The following UMAD1 variants were observed in gnomAD, a reference collection of about 807,000 sequenced individuals.
UMAD1 encodes the protein UBAP1-MVB12-associated (UMA)-domain containing protein 1.
In UMAD1, 8 loss-of-function variants were observed where a neutral mutation model predicts 6.1. That is an observed-to-expected ratio of 1.30 (90% CI 0.76 to 2.35). The LOEUF is 2.35. Among genes scored for constraint, UMAD1 ranks in the 30% most tolerant of loss-of-function variants. The pLI is 0.00. For synonymous variants in UMAD1, 56 were observed against 31.4 expected (o/e 1.78, Z -2.61); for missense variants, 130 against 78.4 (o/e 1.66, Z -2.49).
intron 1 of UMAD1, among the ~76,000 whole-genome samples, chr7:7,666,134 G>A (rs532765279): frequency 1.3e-5 from 2 of 152,252 alleles, no homozygotes; most frequent in African/African-American, 4.8e-5. Context: ...GTGTACAAGA[G>A]TTCCAGTTGC....
At chr7:7,763,042 T>A (rs563691360) in intron 2 of UMAD1, among the ~76,000 whole-genome samples, 1 of 152,272 alleles carries the variant, frequency 6.6e-6, no homozygotes, top group African/African-American at 2.4e-5. Flanking sequence ...ATTTAGGAAA[T>A]AAATATCCTG....
chr7:7,867,523 A>G (rs1784256431), intron 3 of UMAD1, among the ~76,000 whole-genome samples: 1 of 152,222 alleles, frequency 6.6e-6, no homozygotes, highest in African/African-American at 2.4e-5. Flanking sequence ...AAAAATTCAG[A>G]GTCAGTAGCA....
chr7:7,877,792 G>T lies in UMAD1; in HGVS notation c.*254G>T, dbSNP rs904534736. The T allele has an allele frequency of 1.3e-4, 57 of 426,098 alleles. No homozygotes were observed. The highest frequency in any genetic ancestry group is 1.1e-3 in the African/African-American group (55 of 50,002). 26.4% of individuals were successfully genotyped at this position (426,098 alleles called of 1,614,324 possible). A position where few individuals can be genotyped will look rare whatever the true frequency, so the allele number is the denominator to read the frequency against. ...CTATGAAGGTTTTAGGAAAGGACTC[G>T]ATTCCTTCAGATGGTCTCTCAAAAT... On this transcript the variant is annotated 3_prime_UTR_variant, in exon 4 of 4. Coordinates refer to ENST00000682710, the MANE Select transcript of UMAD1 (RefSeq NM_001302348.2).
intron 2 of UMAD1, among the ~76,000 whole-genome samples, chr7:7,785,739 C>T (rs17137697): frequency 0.074 from 11,304 of 152,070 alleles, 673 homozygotes; most frequent in African/African-American, 0.16. Context: ...AGCTAGCTGA[C>T]TGACATGATG....
chr7:7,681,117 C>G (rs1329023358), intron 2 of UMAD1, among the ~76,000 whole-genome samples: 3 of 152,100 alleles, frequency 2.0e-5, no homozygotes, highest in Non-Finnish European at 4.4e-5. Flanking sequence ...GTAGCAACAA[C>G]TTTTTATCAA....
At chr7:7,821,587 G>A (rs921397876) in intron 3 of UMAD1, among the ~76,000 whole-genome samples, 1 of 152,164 alleles carries the variant, frequency 6.6e-6, no homozygotes, top group Non-Finnish European at 1.5e-5. Context: ...CCTCTGAACA[G>A]TCAATTCTTT....
At chr7:7,705,554 C>G (rs1009804056) in intron 2 of UMAD1, among the ~76,000 whole-genome samples, 2 of 152,090 alleles carry the variant, frequency 1.3e-5, no homozygotes, top group Admixed American at 1.3e-4. Context: ...AAGTACTATG[C>G]TTGTGTAATC....
chr7:7,758,844 C>T (rs1781830123), intron 2 of UMAD1, among the ~76,000 whole-genome samples: 1 of 152,120 alleles, frequency 6.6e-6, no homozygotes, highest in Non-Finnish European at 1.5e-5. Flanking sequence ...CATTTGTGGA[C>T]ACTCTCTCTC....
chr7:7,845,183 T>G lies in UMAD1; in HGVS notation c.157-32098T>G, dbSNP rs1301678064. Among the ~76,000 whole-genome samples, 16 of 152,214 alleles carry G rather than the reference T, an allele frequency of 1.1e-4. No homozygotes were observed. In the East Asian group the frequency reaches 2.1e-3, roughly 20 times the overall value. ...TGAATTTAAAATTTTCATTAATAAT[T>G]TTTTATACCAATTATGTTTTGGACT... On this transcript the variant is annotated intron_variant, in intron 3 of 3. Transcript: ENST00000682710.
intron 2 of UMAD1, among the ~76,000 whole-genome samples, chr7:7,799,839 G>A (rs1239740647): frequency 5.3e-5 from 8 of 152,164 alleles, no homozygotes; most frequent in South Asian, 2.1e-4. Context: ...TTACAAACAC[G>A]TATGCTCAAA....
At position 7,816,336 on chromosome 7, in the gene UMAD1, C is replaced by T. The variant is rs144842184; in HGVS notation, c.156+14593C>T. On this transcript the variant is annotated intron_variant, in intron 3 of 3. Coordinates refer to ENST00000682710, the MANE Select transcript of UMAD1 (RefSeq NM_001302348.2). The stretch of plus-strand genomic sequence containing the variant: ...GCTGTTTCACTTTGCTTCTCTTTTC[C>T]GTAGTGCCTTCTCCTGTGAGGTCCA... Among the ~76,000 whole-genome samples the T allele has an allele frequency of 2.3e-4, 35 of 152,298 alleles. No homozygotes were observed. In the East Asian group the frequency reaches 5.8e-3, roughly 25 times the overall value.
intron 1 of UMAD1, among the ~76,000 whole-genome samples, chr7:7,666,873 TCA>T (rs1487037243): frequency 6.6e-6 from 1 of 152,156 alleles, no homozygotes; most frequent in East Asian, 1.9e-4. Context: ...TGGTGGGGTC[TCA>T]GCTCACTGCA....
At chr7:7,726,624 A>G (rs1471028182) in intron 2 of UMAD1, among the ~76,000 whole-genome samples, 1 of 152,210 alleles carries the variant, frequency 6.6e-6, no homozygotes, top group African/African-American at 2.4e-5. Flanking sequence ...CCTCACCCCT[A>G]GTGACCCACT....
intron 3 of UMAD1, among the ~76,000 whole-genome samples, chr7:7,814,291 C>T (rs534667089): frequency 5.3e-5 from 8 of 152,168 alleles, no homozygotes; most frequent in Non-Finnish European, 7.4e-5. Context: ...TGCTTTTATA[C>T]TAACAAAATA....
Position 7,674,129 on chromosome 7 carries a change from C to T in UMAD1, c.82+676C>T, listed in dbSNP as rs982224515. Among the ~76,000 whole-genome samples, 4 of 152,130 alleles carry T rather than the reference C, an allele frequency of 2.6e-5. No homozygotes were observed. In the South Asian group the frequency reaches 6.2e-4, roughly 24 times the overall value. On this transcript the variant is annotated intron_variant, in intron 2 of 3. Transcript: ENST00000682710. ...AAGTATGGTGTGGGGTAGTCAAACC[C>T]AGTGTTTCCTTGTGGTTCTCATCCT...
rs552018306 is a variant in UMAD1, at chr7:7,777,232, C to T, written c.83-24438C>T. On this transcript the variant is annotated intron_variant, in intron 2 of 3. Transcript: ENST00000682710. ...TGTAAAAACAATACTACAGGCTGGG[C>T]GTGGCGGCTCATCCCTGTAATCCCA... Among the ~76,000 whole-genome samples the T allele has an allele frequency of 8.3e-4, 126 of 152,022 alleles. 1 individual carries two copies. Among genetic ancestry groups the T allele is most frequent in the African/African-American group, 3.0e-3 (123 of 41,458 alleles).
intron 2 of UMAD1, among the ~76,000 whole-genome samples, chr7:7,713,398 G>GT (rs796648586): frequency 0.053 from 7,517 of 140,886 alleles, 396 homozygotes; most frequent in African/African-American, 0.14. Flanking sequence ...TATAGACAGA[G>GT]TTTTTTTTTT....
intron 2 of UMAD1, among the ~76,000 whole-genome samples, chr7:7,742,904 C>T (rs998488109): frequency 6.6e-6 from 1 of 152,034 alleles, no homozygotes; most frequent in African/African-American, 2.4e-5. Context: ...TTCAAAATAT[C>T]ATCATGTTAA....
At chr7:7,778,283 A>T (rs1454515080) in intron 2 of UMAD1, among the ~76,000 whole-genome samples, 3 of 150,440 alleles carry the variant, frequency 2.0e-5, no homozygotes, top group South Asian at 2.1e-4. Flanking sequence ...TGTGAGAGAG[A>T]GAGAGAGAGA....
Sources: gnomAD v4.1 joint callset for allele counts (sites outside exome capture counted in the v4.1 genomes callset) on GRCh38, gnomAD v4.1.1 for gene constraint, MANE v1.5 for transcripts, NCBI Gene and HGNC (gene_info 2026-07-23, HGNC 2026-07-21) for gene names.